NLRP12: variants seen among roughly 807,000 people sequenced by gnomAD.
NLRP12 encodes NLR family pyrin domain containing 12.
Under a neutral mutation model 91.2 loss-of-function variants are expected in NLRP12, and 108 were observed. That is an observed-to-expected ratio of 1.18 (90% CI 1.01 to 1.39). The LOEUF (loss-of-function observed/expected upper bound fraction) is 1.39. NLRP12 is among the 40% of genes most tolerant of loss of function. The pLI, the probability that NLRP12 is intolerant of heterozygous loss-of-function variation, is 0.00. For missense variants in NLRP12, 1,530 were observed against 1,352.7 expected (o/e 1.13, Z -2.06); for synonymous variants, 613 against 566.7 (o/e 1.08, Z -1.16).
chr19:53,800,268 G>A (rs1276067570), intron 7 of NLRP12, among the ~76,000 whole-genome samples: 2 of 151,982 alleles, frequency 1.3e-5, no homozygotes, highest in South Asian at 2.1e-4. Flanking sequence ...TCGCGCCACC[G>A]CACTCCAGCC....
intron 1 of NLRP12, among the ~76,000 whole-genome samples, chr19:53,822,499 G>A (rs991075839): frequency 1.2e-4 from 18 of 151,984 alleles, no homozygotes; most frequent in African/African-American, 4.3e-4. Context: ...TTGGGAGGCT[G>A]AGGTGGGTGG....
In NLRP12 at chr19:53,794,018, A is replaced by G; in HGVS notation, c.*31T>C. On this transcript the variant is annotated 3_prime_UTR_variant, in exon 10 of 10. Coordinates refer to ENST00000324134, the MANE Select transcript of NLRP12 (RefSeq NM_144687.4). ...CACCCTCCCATCTTCCTCTGTCCAG[A>G]TCTCAGGGGAGAGCCAGCAGATAGG... is the stretch of plus-strand genomic sequence containing the variant. 2 of 1,496,430 alleles carry G rather than the reference A, an allele frequency of 1.3e-6. No homozygotes were observed. The highest frequency in any genetic ancestry group is 1.9e-6 in the Non-Finnish European group (2 of 1,072,856). The allele number at this position is 1,496,430 out of a possible 1,614,324, so 92.7% of individuals were successfully genotyped here. A position where few individuals can be genotyped will look rare whatever the true frequency, so the allele number is the denominator to read the frequency against.
Position 53,809,746 on chromosome 19 carries a change from A to G in NLRP12, c.1913T>C (p.Val638Ala), listed in dbSNP as rs759172362. 19 of 1,613,954 alleles carry G rather than the reference A, an allele frequency of 1.2e-5. No homozygotes were observed. The highest frequency in any genetic ancestry group is 4.2e-6 in the Non-Finnish European group (5 of 1,180,018). Reference sequence around the variant, plus strand: ...CTCCATCTTGGAGGCAATGTTGCTGACCACGATCACCTGGAAGTGGCTCAG... The same window carrying G: ...CTCCATCTTGGAGGCAATGTTGCTGGCCACGATCACCTGGAAGTGGCTCAG... ...QALSHFQVIV[V>A]SNIASKMEHM... is the part of the protein sequence containing the mutation. The change falls in exon 3 of 10, where the codon GTC becomes GCC. Residue 638 changes from valine (V) to alanine (A), a missense_variant. Coordinates refer to ENST00000324134, the MANE Select transcript of NLRP12 (RefSeq NM_144687.4).
intron 9 of NLRP12, 91 bp downstream of exon 9, chr19:53,795,768 C>A: frequency 9.0e-7 from 1 of 1,116,022 alleles, no homozygotes. Context: ...TACACCAGTG[C>A]ATAACGTATT....
Position 53,810,533 on chromosome 19 carries a change from TGTA to T in NLRP12, c.1123_1125del (p.Tyr375del), listed in dbSNP as rs747255642. 1.9e-6 allele frequency: 3 copies of T among 1,614,116 alleles called. No homozygotes were observed. The highest frequency in any genetic ancestry group is 2.2e-5 in the East Asian group (1 of 44,872). On this transcript the variant is annotated inframe_deletion, in exon 3 of 10. Transcript: ENST00000324134. Reference sequence around the variant, plus strand: ...GCCTGCTCTGCATTGTGGAAATACTTGTAGAAGTATTCCTTCCTTTCTGCCTCA... The same window carrying T: ...GCCTGCTCTGCATTGTGGAAATACTTGAAGTATTCCTTCCTTTCTGCCTCA...
At chr19:53,805,923 TC>T (rs2091951696) in intron 4 of NLRP12, 1 of 208,082 alleles carries the variant, frequency 4.8e-6, no homozygotes, top group Non-Finnish European at 9.9e-6. Context: ...TCAAATACAT[TC>T]ACAAAGGTTG....
In NLRP12 at chr19:53,798,345, T is replaced by C. The variant is rs1220727074; in HGVS notation, c.2825A>G (p.Asn942Ser). 33 of 1,613,920 alleles carry C rather than the reference T, an allele frequency of 2.0e-5. No individual in the cohort carries two copies. In the East Asian group the frequency reaches 6.0e-4, roughly 29 times the overall value. Reference protein sequence around the residue: ...GLSVVLQANHNLRELDLSFND... With the variant: ...GLSVVLQANHSLRELDLSFND... ...GAAACTCAAGTCCAGCTCCCGGAGG[T>C]TGTGGTTGGCCTGGAGCACCACAGA... Residue 942 changes from asparagine to serine, a missense_variant, in exon 8 of 10, where the codon AAC becomes AGC. Asn to Ser is a conservative substitution (Grantham distance 46). Coordinates refer to ENST00000324134, the MANE Select transcript of NLRP12 (RefSeq NM_144687.4).
chr19:53,813,281 CTTTTTTTTTTTTCTTTTCTTTTTTT>C (rs1334874172), intron 2 of NLRP12, among the ~76,000 whole-genome samples: 3 of 111,568 alleles, frequency 2.7e-5, no homozygotes, highest in East Asian at 2.6e-4. Context: ...AACTGCTATT[CTTTTTTTTTTTTCTTTTCTTTTTTT>C]TTTTTTTTTT....
At chr19:53,799,334 TTTTTTGC>T (rs1328441236) in intron 7 of NLRP12, among the ~76,000 whole-genome samples, 1 of 151,824 alleles carries the variant, frequency 6.6e-6, no homozygotes, top group African/African-American at 2.4e-5. Context: ...TTGTTTTTTG[TTTTTTGC>T]TGGTGCCTTG....
chr19:53,817,357 G>A lies in NLRP12; in HGVS notation c.290-2369C>T, dbSNP rs551038437. 5.3e-5 allele frequency among the ~76,000 whole-genome samples: 8 copies of A among 151,968 alleles called. No homozygotes were observed. The South Asian group carries it at 1.0e-3, about 20-fold the overall frequency. ...AGGCAGGAGAATCGCTTGAACCAGGGAGTCAGAGGTTGAAGTGTGCTGACA... is the reference window on the plus strand; with the variant it reads ...AGGCAGGAGAATCGCTTGAACCAGGAAGTCAGAGGTTGAAGTGTGCTGACA... On this transcript the variant is annotated intron_variant, in intron 1 of 9. Transcript: ENST00000324134.
chr19:53,808,742 A>C (rs2092003526), intron 3 of NLRP12: 1 of 152,192 alleles, frequency 6.6e-6, no homozygotes, highest in African/African-American at 2.4e-5. Flanking sequence ...TCTCCCAGAC[A>C]TCGACCTCAA....
rs147355465 is a variant in NLRP12 at position 53,811,100 on chromosome 19, C to T, written c.559G>A (p.Val187Met). The T allele has an allele frequency of 8.1e-5, 130 of 1,613,870 alleles. No individual in the cohort carries two copies. In the African/African-American group the frequency reaches 1.4e-3, roughly 17 times the overall value. ...LDTGRGHART[V>M]GHQASPIKIE... ...TTGATGGGGCTAGCCTGGTGTCCCACGGTCCTCGCGTGTCCCCGGCCTGTG... is the reference window on the plus strand; with the variant it reads ...TTGATGGGGCTAGCCTGGTGTCCCATGGTCCTCGCGTGTCCCCGGCCTGTG... The change falls in exon 3 of 10, where the codon GTG becomes ATG. Residue 187 changes from valine (V) to methionine (M), a missense_variant. Transcript: ENST00000324134.
chr19:53,810,500 C>T lies in NLRP12; in HGVS notation c.1159G>A (p.Val387Ile). The change falls in exon 3 of 10, where the codon GTC becomes ATC. Residue 387 changes from valine to isoleucine, a missense_variant. Transcript: ENST00000324134. ...YFHNAEQAGQ[V>I]FNYVRDNEPL... is the part of the protein sequence containing the mutation. ...TCGTTGTCCCTCACGTAATTGAAGACTTGGCCCGCCTGCTCTGCATTGTGG... is the reference window on the plus strand; with the variant it reads ...TCGTTGTCCCTCACGTAATTGAAGATTTGGCCCGCCTGCTCTGCATTGTGG... The T allele has an allele frequency of 6.2e-7, 1 of 1,614,146 alleles. No individual in the cohort carries two copies. The highest frequency in any genetic ancestry group is 8.5e-7 in the Non-Finnish European group (1 of 1,180,024).
chr19:53,797,507 C>T (rs1489703384), intron 8 of NLRP12, among the ~76,000 whole-genome samples: 2 of 152,056 alleles, frequency 1.3e-5, no homozygotes, highest in African/African-American at 2.4e-5. Context: ...GTAATCTCGC[C>T]TCCCAGGTTC....
At chr19:53,823,414 TGTTTTAAATATATATA>T (rs1568702594) in intron 1 of NLRP12, among the ~76,000 whole-genome samples, 2 of 98,062 alleles carry the variant, frequency 2.0e-5, no homozygotes, top group East Asian at 5.4e-4. Context: ...TTAAAATATA[TGTTTTAAATATATATA>T]TTTAAAATAT....
chr19:53,800,985 T>G (rs143624067), intron 7 of NLRP12, among the ~76,000 whole-genome samples: 3,212 of 151,390 alleles, frequency 0.021, 100 homozygotes, highest in African/African-American at 0.073. Context: ...ATGAGGTCAG[T>G]AGATCGAGAC....
chr19:53,817,209 T>A (rs2092174257), intron 1 of NLRP12, among the ~76,000 whole-genome samples: 1 of 151,274 alleles, frequency 6.6e-6, no homozygotes, highest in Non-Finnish European at 1.5e-5. Flanking sequence ...CAGGTGGGAT[T>A]ACCTGATGTC....
intron 6 of NLRP12, among the ~76,000 whole-genome samples, chr19:53,803,010 G>A (rs1257559373): frequency 6.6e-6 from 1 of 152,060 alleles, no homozygotes; most frequent in African/African-American, 2.4e-5. Context: ...TGGCCTTCCA[G>A]AGGGTTGTGA....
intron 9 of NLRP12, among the ~76,000 whole-genome samples, chr19:53,795,187 G>A (rs925286483): frequency 1.3e-5 from 2 of 151,506 alleles, no homozygotes; most frequent in Non-Finnish European, 2.9e-5. Flanking sequence ...GGGATTACAG[G>A]CGCCATCCCC....
Sources: allele counts gnomAD v4.1 joint callset (sites outside exome capture counted in the v4.1 genomes callset), GRCh38; gene constraint gnomAD v4.1.1; transcripts MANE v1.5; gene names NCBI Gene and HGNC (gene_info 2026-07-23, HGNC 2026-07-21).